Variants in ZNF174 observed in about 807,000 individuals in gnomAD.
ZNF174 encodes the protein AW-1.
Under a neutral mutation model 38.7 loss-of-function variants are expected in ZNF174, and 30 were observed. The observed-to-expected ratio is 0.78, with a 90% CI of 0.58 to 1.05. ZNF174 has a LOEUF of 1.05. Among genes scored for constraint, ZNF174 ranks in the 50% least tolerant of loss-of-function variants. The pLI is 0.00. For missense variants in ZNF174, 499 were observed against 495.6 expected (o/e 1.01, Z -0.06); for synonymous variants, 201 against 181.7 (o/e 1.11, Z -0.86).
rs377059191 is a variant in ZNF174 at position 3,402,361 on chromosome 16, C to T, written c.357C>T (p.Thr119=). 2.6e-5 allele frequency: 42 copies of T among 1,613,948 alleles called. No homozygotes were observed. Among genetic ancestry groups the T allele is most frequent in the African/African-American group, 5.3e-5 (4 of 74,898 alleles). Residue 119 remains threonine (T), a synonymous_variant, in exon 1 of 3, where the codon ACC becomes ACT. Coordinates refer to ENST00000268655, the MANE Select transcript of ZNF174 (RefSeq NM_003450.3). The part of the protein sequence containing the change: ...RCPMSSKEIV[T]LVEDFHRASK... Reference sequence around the variant, plus strand: ...CAATGAGCAGCAAGGAGATTGTGACCCTCGTGGAAGATTTTCACAGAGCAT... The same window carrying T: ...CAATGAGCAGCAAGGAGATTGTGACTCTCGTGGAAGATTTTCACAGAGCAT...
Position 3,408,185 on chromosome 16 carries a change from A to T in ZNF174, c.626-136A>T. ...AGGGTGAAGAGCCTGCTTGTTTAAC[A>T]AGTGCTCCAGATGAGTCTAATGCAA... On this transcript the variant is annotated intron_variant, in intron 2 of 2. Transcript: ENST00000268655. 1 of 817,452 alleles carries T rather than the reference A, an allele frequency of 1.2e-6. No homozygotes were observed. Among genetic ancestry groups the T allele is most frequent in the Non-Finnish European group, 1.9e-6 (1 of 515,136 alleles). The allele number at this position is 817,452 out of a possible 1,614,324, so 50.6% of individuals were successfully genotyped here.
chr16:3,402,137 T>C lies in ZNF174; in HGVS notation c.133T>C (p.Cys45Arg), dbSNP rs1005741365. The C allele has an allele frequency of 6.2e-7, 1 of 1,614,106 alleles. No individual in the cohort carries two copies. The highest frequency in any genetic ancestry group is 1.3e-5 in the African/African-American group (1 of 74,928). Reference protein sequence around the residue: ...LQKNCPDPELCRQSFRRFCYQ... With the variant: ...LQKNCPDPELRRQSFRRFCYQ... ...AAAAAACTGCCCAGATCCTGAGCTC[T>C]GCCGCCAGAGCTTCAGACGCTTTTG... is the stretch of plus-strand genomic sequence containing the variant. Residue 45 changes from cysteine to arginine, a missense_variant, in exon 1 of 3, where the codon TGC (cysteine) becomes CGC (arginine). Cys to Arg is a radical substitution (Grantham distance 180). Coordinates refer to ENST00000268655, the MANE Select transcript of ZNF174 (RefSeq NM_003450.3).
intron 2 of ZNF174, chr16:3,404,956 C>T (rs1347378728): frequency 1.9e-6 from 3 of 1,614,166 alleles, no homozygotes; most frequent in Non-Finnish European, 2.5e-6. Context: ...AGATGAACTT[C>T]CATGCAAGCT....
chr16:3,403,828 G>A (rs755345970), intron 1 of ZNF174, among the ~76,000 whole-genome samples: 5 of 152,148 alleles, frequency 3.3e-5, no homozygotes, highest in Non-Finnish European at 5.9e-5. Context: ...AGTTCAACTG[G>A]CCAGCGTTGC....
rs554195189 is a variant in ZNF174, at chr16:3,407,479, T to C, written c.626-842T>C. On this transcript the variant is annotated intron_variant, in intron 2 of 2. Coordinates refer to ENST00000268655, the MANE Select transcript of ZNF174 (RefSeq NM_003450.3). ...TGACCCTGATTGTATAGGCTGATTATTTACATTTGAATTTAAATGAATTAA... is the reference window on the plus strand; with the variant it reads ...TGACCCTGATTGTATAGGCTGATTACTTACATTTGAATTTAAATGAATTAA... Among the ~76,000 whole-genome samples, 3 of 152,322 alleles carry C rather than the reference T, an allele frequency of 2.0e-5. No individual in the cohort carries two copies. The South Asian group carries it at 6.2e-4, about 32-fold the overall frequency.
At chr16:3,404,308 G>C (rs1596256564) in intron 1 of ZNF174, 118 bp from the exon 2 acceptor site, 1 of 1,005,586 alleles carries the variant, frequency 9.9e-7, no homozygotes, top group African/African-American at 1.6e-5. Flanking sequence ...TTCTATGAAA[G>C]TTGACCTCTA....
intron 1 of ZNF174, 141 bp from the exon 2 acceptor site, chr16:3,404,285 G>T (rs113067296): frequency 2.5e-6 from 2 of 795,510 alleles, no homozygotes; most frequent in African/African-American, 1.7e-5. Context: ...CTTCCTTTGA[G>T]GGTTTCAGTG....
In ZNF174 at chr16:3,401,307, G is replaced by C. The variant is rs1468145930; in HGVS notation, c.-698G>C. The C allele has an allele frequency of 6.6e-6, 1 of 152,648 alleles. No individual in the cohort carries two copies. The highest frequency in any genetic ancestry group is 1.5e-5 in the Non-Finnish European group (1 of 68,388). The allele number at this position is 152,648 out of a possible 1,614,324, so 9.5% of individuals were successfully genotyped here. ...GCAGGTGGGTGCGGGGCGCCGGGCT[G>C]TTCGGGGTACCGGTGTCGCAGTCGC... On this transcript the variant is annotated 5_prime_UTR_variant, in exon 1 of 3. Coordinates refer to ENST00000268655, the MANE Select transcript of ZNF174 (RefSeq NM_003450.3).
At chr16:3,406,365 CT>C (rs1389502145) in intron 2 of ZNF174, among the ~76,000 whole-genome samples, 6 of 152,196 alleles carry the variant, frequency 3.9e-5, no homozygotes, top group Non-Finnish European at 7.3e-5. Context: ...TTATGAGGAA[CT>C]ACCAGACTGT....
chr16:3,404,590 C>T lies in ZNF174; in HGVS notation c.567C>T (p.Pro189=). 1 of 1,614,210 alleles carries T rather than the reference C, an allele frequency of 6.2e-7. No homozygotes were observed. Among genetic ancestry groups the T allele is most frequent in the Non-Finnish European group, 8.5e-7 (1 of 1,180,038 alleles). The change falls in exon 2 of 3, where the codon CCC becomes CCT. Residue 189 remains proline (P), a synonymous_variant. Coordinates refer to ENST00000268655, the MANE Select transcript of ZNF174 (RefSeq NM_003450.3). ...SQAGAYDRLS[P]HHWEKSPLLQ... is the part of the protein sequence containing the mutation. Reference sequence around the variant, plus strand: ...CAGGAGCTTATGACCGGCTGAGCCCCCATCATTGGGAGAAATCCCCACTCC... The same window carrying T: ...CAGGAGCTTATGACCGGCTGAGCCCTCATCATTGGGAGAAATCCCCACTCC...
intron 1 of ZNF174, among the ~76,000 whole-genome samples, chr16:3,402,623 T>C (rs2033963186): frequency 6.7e-6 from 1 of 149,786 alleles, no homozygotes; most frequent in Non-Finnish European, 1.5e-5. Flanking sequence ...CGCGCCCGGC[T>C]AATTTTTTGT....
intron 1 of ZNF174, 47 bp downstream of exon 1, chr16:3,402,453 CTTT>C (rs56903674): frequency 1.7e-5 from 22 of 1,300,550 alleles, no homozygotes; most frequent in Middle Eastern, 2.2e-4. Flanking sequence ...TTTTTCTTTT[CTTT>C]TTTTTTTTTT....
rs767732850 is a variant in ZNF174, at chr16:3,409,205, G to T, written c.*286G>T. ...ACTGAGAGAGAATCAGGACAATCCT[G>T]CAGGTGGCCCGCTTACTGTTAAATC... On this transcript the variant is annotated 3_prime_UTR_variant, in exon 3 of 3. Coordinates refer to ENST00000268655, the MANE Select transcript of ZNF174 (RefSeq NM_003450.3). 2.6e-6 allele frequency: 1 copy of T among 388,214 alleles called. No individual in the cohort carries two copies. Among genetic ancestry groups the T allele is most frequent in the Non-Finnish European group, 4.6e-6 (1 of 215,900 alleles). The allele number at this position is 388,214 out of a possible 1,614,324, so 24.0% of individuals were successfully genotyped here.
chr16:3,404,115 C>T (rs907972596), intron 1 of ZNF174, among the ~76,000 whole-genome samples: 1 of 152,160 alleles, frequency 6.6e-6, no homozygotes, highest in Non-Finnish European at 1.5e-5. Flanking sequence ...GTAGAGTAGG[C>T]ATCTGATGGC....
At chr16:3,405,248 G>T (rs573044133) in intron 2 of ZNF174, among the ~76,000 whole-genome samples, 2 of 152,186 alleles carry the variant, frequency 1.3e-5, no homozygotes, top group African/African-American at 2.4e-5. Context: ...GTTACAAGAC[G>T]ACAAAAATCC....
intron 2 of ZNF174, 190 bp downstream of exon 2, chr16:3,404,838 C>T (rs551624866): frequency 1.6e-5 from 26 of 1,587,342 alleles, no homozygotes; most frequent in Admixed American, 9.1e-5. Flanking sequence ...ATGTTTTTAT[C>T]GTTTTCTGTT....
chr16:3,408,133 A>T (rs1224690571), intron 2 of ZNF174, among the ~76,000 whole-genome samples, 188 bp from the exon 3 acceptor site: 1 of 152,164 alleles, frequency 6.6e-6, no homozygotes, highest in Admixed American at 6.5e-5. Flanking sequence ...CAACCCCCCG[A>T]GATTCTGACC....
chr16:3,405,126 C>T (rs1051480294), intron 2 of ZNF174: 25 of 1,429,360 alleles, frequency 1.7e-5, no homozygotes, highest in Non-Finnish European at 2.2e-5. Flanking sequence ...ACTTGTGTAA[C>T]TGCTGGCCTT....
At position 3,408,541 on chromosome 16, in the gene ZNF174, G is replaced by A. The variant is rs758456582; in HGVS notation, c.846G>A (p.Val282=). The change falls in exon 3 of 3, where the codon GTG becomes GTA. Residue 282 remains valine (V), a synonymous_variant. Coordinates refer to ENST00000268655, the MANE Select transcript of ZNF174 (RefSeq NM_003450.3). The part of the protein sequence containing the change: ...PFAHYQRHCR[V]EYISSPLKSH... The stretch of plus-strand genomic sequence containing the variant: ...CTCACTACCAGAGACATTGCAGGGT[G>A]GAATACATCAGCAGCCCCCTAAAAA... The A allele has an allele frequency of 3.7e-6, 6 of 1,614,132 alleles. No individual in the cohort carries two copies. Among genetic ancestry groups the A allele is most frequent in the Non-Finnish European group, 5.1e-6 (6 of 1,180,038 alleles).
Sources: gnomAD v4.1 joint callset for allele counts (sites outside exome capture counted in the v4.1 genomes callset) on GRCh38, gnomAD v4.1.1 for gene constraint, MANE v1.5 for transcripts, NCBI Gene and HGNC (gene_info 2026-07-23, HGNC 2026-07-21) for gene names.